The following NREP variants were observed in gnomAD, a reference collection of about 807,000 sequenced individuals.
NREP encodes neuronal regeneration related protein.
A neutral mutation model predicts 8.6 loss-of-function variants in NREP; 5 were observed. The ratio of observed to expected loss-of-function variants is 0.58; its 90% CI spans 0.30 to 1.22. The LOEUF is 1.22. Ranked by LOEUF, NREP falls within the 50% of genes most tolerant of loss-of-function variation. NREP has a pLI of 0.07. For missense variants in NREP, 86 were observed against 82.5 expected (o/e 1.04, Z -0.17); for synonymous variants, 27 against 28.0 (o/e 0.96, Z 0.11).
At chr5:111,833,008 G>A (rs78773755) in intron 2 of NREP, among the ~76,000 whole-genome samples, 3,460 of 152,270 alleles carry the variant, frequency 0.023, 51 homozygotes, top group Non-Finnish European at 0.027. Context: ...CGCCAGGCAG[G>A]CTCCAATGAT....
chr5:111,870,474 G>A lies in NREP; in HGVS notation c.135+104800C>T, dbSNP rs1446992445. Among the ~76,000 whole-genome samples, 6 of 152,230 alleles carry A rather than the reference G, an allele frequency of 3.9e-5. No individual in the cohort carries two copies. The East Asian group carries it at 5.8e-4, about 15-fold the overall frequency. Reference sequence around the variant, plus strand: ...TAGCACATCAAATGAATTTTCTTGCGTGAAACTAATGGCTTAATTAGCATG... The same window carrying A: ...TAGCACATCAAATGAATTTTCTTGCATGAAACTAATGGCTTAATTAGCATG... On this transcript the variant is annotated intron_variant, in intron 2 of 3. Coordinates refer to the NREP transcript ENST00000395634.
chr5:111,783,087 G>T (rs1025800769), intron 2 of NREP, among the ~76,000 whole-genome samples: 1 of 152,074 alleles, frequency 6.6e-6, no homozygotes, highest in African/African-American at 2.4e-5. Context: ...CTCATGGTAA[G>T]AATGTTTCAT....
At chr5:111,939,077 G>T (rs968427283) in intron 2 of NREP, among the ~76,000 whole-genome samples, 1 of 151,844 alleles carries the variant, frequency 6.6e-6, no homozygotes, top group Non-Finnish European at 1.5e-5. Context: ...TGTTAATCAT[G>T]CCTAGAAATT....
At chr5:111,796,123 C>A (rs754961110) in intron 2 of NREP, among the ~76,000 whole-genome samples, 13 of 152,302 alleles carry the variant, frequency 8.5e-5, no homozygotes, top group South Asian at 8.3e-4. Context: ...TATGGAAGAG[C>A]CTTTTTTAGC....
chr5:111,830,222 G>T (rs1003443375), intron 2 of NREP, among the ~76,000 whole-genome samples: 29 of 152,100 alleles, frequency 1.9e-4, no homozygotes, highest in African/African-American at 6.5e-4. Context: ...TGGCCCAAAA[G>T]AATTCTTCTA....
intron 2 of NREP, among the ~76,000 whole-genome samples, chr5:111,908,758 G>T (rs1313230807): frequency 6.6e-6 from 1 of 151,946 alleles, no homozygotes; most frequent in African/African-American, 2.4e-5. Flanking sequence ...TATCTTTTAG[G>T]TAGAATGATT....
At chr5:111,883,649 A>T (rs1754148801) in intron 2 of NREP, among the ~76,000 whole-genome samples, 4 of 152,252 alleles carry the variant, frequency 2.6e-5, no homozygotes, top group Admixed American at 2.6e-4. Flanking sequence ...CAATCAAACT[A>T]GAACTCAGGA....
At chr5:111,755,886 G>C in intron 1 of NREP, 56 bp from the exon 2 acceptor site, 1 of 1,592,216 alleles carries the variant, frequency 6.3e-7, no homozygotes, top group South Asian at 1.1e-5. Flanking sequence ...GTCAGCAAAC[G>C]AAAAATGCCT....
In NREP at chr5:111,730,144, C is replaced by T. The variant is rs1343040629; in HGVS notation, c.*777G>A. On this transcript the variant is annotated 3_prime_UTR_variant, in exon 4 of 4. Coordinates refer to ENST00000257435, the MANE Select transcript of NREP (RefSeq NM_004772.4). ...ACCGTGACTGCATGTCCGTGAGCGC[C>T]AGCCAACGAGACAATGGTCTCTCAC... The T allele has an allele frequency of 1.3e-5, 2 of 152,530 alleles. No homozygotes were observed. Among genetic ancestry groups the T allele is most frequent in the African/African-American group, 4.8e-5 (2 of 41,424 alleles). The allele number at this position is 152,530 out of a possible 1,614,324, so 9.4% of individuals were successfully genotyped here.
intron 2 of NREP, among the ~76,000 whole-genome samples, chr5:111,915,070 C>G (rs1007169472): frequency 1.3e-5 from 2 of 152,084 alleles, no homozygotes; most frequent in Admixed American, 1.3e-4. Context: ...TGTCTTTGTG[C>G]TTGTTTCCTT....
intron 2 of NREP, among the ~76,000 whole-genome samples, chr5:111,818,161 G>T (rs1163096502): frequency 6.6e-6 from 1 of 152,092 alleles, no homozygotes; most frequent in East Asian, 1.9e-4. Context: ...TAAATAATTA[G>T]ATCATACATT....
At chr5:111,873,949 T>C (rs1314533318) in intron 2 of NREP, among the ~76,000 whole-genome samples, 1 of 151,988 alleles carries the variant, frequency 6.6e-6, no homozygotes, top group Non-Finnish European at 1.5e-5. Context: ...ACAAAGGTAG[T>C]CAGAGTCTCA....
At chr5:111,800,649 T>C (rs1751982882) in intron 2 of NREP, among the ~76,000 whole-genome samples, 1 of 152,200 alleles carries the variant, frequency 6.6e-6, no homozygotes, top group Non-Finnish European at 1.5e-5. Flanking sequence ...AAGTGCACAT[T>C]GCTGGGGAGG....
intron 2 of NREP, among the ~76,000 whole-genome samples, chr5:111,768,479 AG>A (rs1447543693): frequency 5.9e-5 from 9 of 152,230 alleles, no homozygotes; most frequent in Non-Finnish European, 1.0e-4. Flanking sequence ...TAATGAGCAC[AG>A]TACCTTAAAG....
Position 111,911,729 on chromosome 5 carries a change from T to C in NREP, c.135+63545A>G, listed in dbSNP as rs965729398. Reference sequence around the variant, plus strand: ...GTGAGAGGGTCTATTTTTTTGACCATCTAAAAGACATAAAAATAGACACCA... The same window carrying C: ...GTGAGAGGGTCTATTTTTTTGACCACCTAAAAGACATAAAAATAGACACCA... On this transcript the variant is annotated intron_variant, in intron 2 of 3. Transcript: ENST00000395634. 5.9e-5 allele frequency among the ~76,000 whole-genome samples: 9 copies of C among 152,110 alleles called. No homozygotes were observed. In the East Asian group the frequency reaches 1.2e-3, roughly 20 times the overall value.
chr5:111,768,400 T>C (rs923401610), intron 2 of NREP, among the ~76,000 whole-genome samples: 5 of 152,202 alleles, frequency 3.3e-5, no homozygotes, highest in Admixed American at 3.3e-4. Flanking sequence ...GGGGTACATA[T>C]GCATGTTTGT....
chr5:111,823,949 G>C (rs1752565398), intron 2 of NREP, among the ~76,000 whole-genome samples: 1 of 152,142 alleles, frequency 6.6e-6, no homozygotes, highest in African/African-American at 2.4e-5. Context: ...ATGTATCTAA[G>C]TACATAAATA....
intron 2 of NREP, among the ~76,000 whole-genome samples, chr5:111,922,659 A>C (rs1755277975): frequency 6.6e-6 from 1 of 152,190 alleles, no homozygotes; most frequent in Admixed American, 6.5e-5. Context: ...CTCTGAGAAT[A>C]ATCTTTGGAC....
intron 1 of NREP, among the ~76,000 whole-genome samples, chr5:111,756,536 A>G (rs1750723279): frequency 6.6e-6 from 1 of 152,306 alleles, no homozygotes; most frequent in East Asian, 1.9e-4. Flanking sequence ...GAGTTTTCCT[A>G]TAATGTTATT....
Sources: gnomAD v4.1 joint callset for allele counts (sites outside exome capture counted in the v4.1 genomes callset) on GRCh38, gnomAD v4.1.1 for gene constraint, MANE v1.5 for transcripts, NCBI Gene and HGNC (gene_info 2026-07-23, HGNC 2026-07-21) for gene names.